SMUG1: variants seen among roughly 807,000 people sequenced by gnomAD.
SMUG1 encodes the protein single-strand-selective monofunctional uracil-DNA glycosylase 1, also known as single-strand selective monofunctional uracil DNA glycosylase.
In SMUG1, 13 loss-of-function variants were observed where a neutral mutation model predicts 23.9. The ratio of observed to expected loss-of-function variants is 0.54; its 90% CI spans 0.35 to 0.86. SMUG1 has a LOEUF of 0.86. Ranked by LOEUF, SMUG1 falls within the 40% of genes least tolerant of loss-of-function variation. The pLI, the probability that SMUG1 is intolerant of heterozygous loss-of-function variation, is 0.01. For missense variants in SMUG1, 313 were observed against 339.5 expected (o/e 0.92, Z 0.61); for synonymous variants, 133 against 139.8 (o/e 0.95, Z 0.34).
At chr12:54,163,344 G>A (rs1407415421), downstream of SMUG1, 1 of 152,238 alleles carries the variant, frequency 6.6e-6, no homozygotes, top group African/African-American at 2.4e-5. Flanking sequence ...CATGTTATTT[G>A]ACTTCCCTAT....
At chr12:54,176,515 C>A (rs1166938330), downstream of SMUG1, among the ~76,000 whole-genome samples, 51 of 92,344 alleles carry the variant, frequency 5.5e-4, 5 homozygotes, top group Admixed American at 6.4e-4. Context: ...TGTCCCCCCC[C>A]AAAAAAAAAG....
chr12:54,168,690 CCCTA>C (rs1460196616), intron 3 of SMUG1: 1 of 152,164 alleles, frequency 6.6e-6, no homozygotes, highest in Non-Finnish European at 1.5e-5. Flanking sequence ...GATGAATGTT[CCCTA>C]CCTGGCCTGT....
chr12:54,166,566 G>T (rs1028279043), intron 3 of SMUG1, among the ~76,000 whole-genome samples: 3 of 152,146 alleles, frequency 2.0e-5, no homozygotes, highest in African/African-American at 7.2e-5. Flanking sequence ...GCCAGTCTTG[G>T]TCTAGCCCTC....
At chr12:54,187,697 C>A (rs1181922743) in intron 2 of SMUG1, 122 bp downstream of exon 2, 1 of 152,208 alleles carries the variant, frequency 6.6e-6, no homozygotes, top group East Asian at 1.9e-4. Flanking sequence ...ACTCCTGTTT[C>A]ATCTCTAAGA....
Position 54,183,912 on chromosome 12 carries a change from A to G in SMUG1, c.29T>C (p.Ile10Thr). 1 of 1,595,222 alleles carries G rather than the reference A, an allele frequency of 6.3e-7. No homozygotes were observed. The highest frequency in any genetic ancestry group is 8.5e-7 in the Non-Finnish European group (1 of 1,170,842). The change falls in exon 3 of 4, where the codon ATC becomes ACC. Residue 10 changes from isoleucine to threonine, a missense_variant. Ile to Thr is a moderately conservative substitution (Grantham distance 89, BLOSUM62 -1). Transcript: ENST00000682136. ...CATGAGGGCACCTGCAGGCTCATGG[A>G]TGGACCCCAGCAGGAAAGCCTGGGG... is the stretch of plus-strand genomic sequence containing the variant. MPQAFLLGS[I>T]HEPAGALMEP...
At chr12:54,186,980 A>C (rs80191468) in intron 2 of SMUG1, 3 of 152,316 alleles carry the variant, frequency 2.0e-5, no homozygotes, top group African/African-American at 7.2e-5. Context: ...CAGGAGTTCA[A>C]GACCAGCCTG....
downstream of SMUG1, among the ~76,000 whole-genome samples, chr12:54,176,569 G>A (rs547276687): frequency 6.8e-6 from 1 of 146,380 alleles, no homozygotes; most frequent in Non-Finnish European, 1.5e-5. Context: ...CACTTTGGGA[G>A]GCCGAGACGG....
intron 2 of SMUG1, 142 bp from the exon 3 acceptor site, chr12:54,184,101 G>T: frequency 1.6e-6 from 1 of 633,692 alleles, no homozygotes; most frequent in Non-Finnish European, 2.6e-6. Flanking sequence ...CAACCACCAA[G>T]TAGGACTGAA....
intron 3 of SMUG1, among the ~76,000 whole-genome samples, chr12:54,166,071 G>T (rs557544038): frequency 2.6e-5 from 4 of 152,218 alleles, no homozygotes; most frequent in Non-Finnish European, 5.9e-5. Flanking sequence ...GAATATAAAA[G>T]TTGGAGCCCG....
downstream of SMUG1, among the ~76,000 whole-genome samples, chr12:54,175,726 C>G (rs1024849390): frequency 2.6e-5 from 4 of 152,180 alleles, no homozygotes; most frequent in Non-Finnish European, 5.9e-5. Context: ...CAGCACTAGA[C>G]AGTGAACAAC....
At chr12:54,177,355 C>A (rs191187364), downstream of SMUG1, among the ~76,000 whole-genome samples, 7 of 152,126 alleles carry the variant, frequency 4.6e-5, no homozygotes, top group African/African-American at 1.7e-4. Context: ...GGGTTGTAAG[C>A]CACTGATCTC....
intron 3 of SMUG1, among the ~76,000 whole-genome samples, chr12:54,167,655 T>C (rs542737874): frequency 6.6e-6 from 1 of 152,312 alleles, no homozygotes; most frequent in East Asian, 1.9e-4. Flanking sequence ...AAAGCCCTCC[T>C]TAATGCAGAA....
chr12:54,186,571 A>G (rs57948284), intron 2 of SMUG1, among the ~76,000 whole-genome samples: 189 of 151,754 alleles, frequency 1.2e-3, no homozygotes, highest in African/African-American at 4.4e-3. Flanking sequence ...CGAACTCCTG[A>G]CCTCATGATC....
At chr12:54,179,754 C>T (rs1364283548), downstream of SMUG1, among the ~76,000 whole-genome samples, 10 of 152,116 alleles carry the variant, frequency 6.6e-5, no homozygotes, top group Non-Finnish European at 1.3e-4. Flanking sequence ...CACAACCCCC[C>T]GCCACCCACC....
At chr12:54,177,486 T>C (rs11170837), downstream of SMUG1, among the ~76,000 whole-genome samples, 15,877 of 152,140 alleles carry the variant, frequency 0.1, 1,273 homozygotes, top group African/African-American at 0.21. Context: ...AACTGAAGAA[T>C]TGAATTTTTT....
At chr12:54,168,909 G>A (rs186272583) in intron 3 of SMUG1, among the ~76,000 whole-genome samples, 78 of 152,262 alleles carry the variant, frequency 5.1e-4, no homozygotes, top group Non-Finnish European at 3.4e-4. Flanking sequence ...CAGGGAAGAT[G>A]GAAATGAGAA....
chr12:54,179,608 G>C (rs937314640), downstream of SMUG1, among the ~76,000 whole-genome samples: 21 of 152,008 alleles, frequency 1.4e-4, no homozygotes, highest in Non-Finnish European at 2.6e-4. Context: ...CTAACTACAG[G>C]GAGTTAGTGC....
At chr12:54,184,487 C>G (rs1032212889) in intron 2 of SMUG1, among the ~76,000 whole-genome samples, 13 of 152,198 alleles carry the variant, frequency 8.5e-5, no homozygotes, top group African/African-American at 2.9e-4. Flanking sequence ...CCAGGTACAC[C>G]TCATTGATCC....
rs139760820 is a variant in SMUG1, at chr12:54,182,539, G to C, written c.370C>G (p.Arg124Gly). Residue 124 changes from arginine (R) to glycine (G), a missense_variant, in exon 4 of 4, where the codon CGA becomes GGA. Physicochemically the swap from Arg to Gly is moderately radical, Grantham distance 125. Transcript: ENST00000682136. Reference sequence around the variant, plus strand: ...GGGCACTCCAGTCCCAGCACTGGTCGTTTAGGATGCTCTTGGGGAGGGGTC... The same window carrying C: ...GGGCACTCCAGTCCCAGCACTGGTCCTTTAGGATGCTCTTGGGGAGGGGTC... ...VLTPPQEHPK[R>G]PVLGLECPQS... The C allele has an allele frequency of 6.2e-7, 1 of 1,614,162 alleles. No individual in the cohort carries two copies. The highest frequency in any genetic ancestry group is 1.3e-5 in the African/African-American group (1 of 75,032).
Sources: gnomAD v4.1 joint callset for allele counts (sites outside exome capture counted in the v4.1 genomes callset) on GRCh38, gnomAD v4.1.1 for gene constraint, MANE v1.5 for transcripts, NCBI Gene and HGNC (gene_info 2026-07-23, HGNC 2026-07-21) for gene names.